Variants in C4orf51 observed in about 807,000 individuals in gnomAD.
C4orf51 encodes the protein uncharacterized protein C4orf51.
C4orf51 carries 25 observed loss-of-function variants against 25.2 expected under a neutral mutation model. The observed-to-expected ratio is 0.99, with a 90% CI of 0.72 to 1.39. The LOEUF is 1.39. Among genes scored for constraint, C4orf51 ranks in the 40% most tolerant of loss-of-function variants. The probability of loss-of-function intolerance (pLI) is 0.00; values close to 1 mark genes in which losing one functional copy is unlikely to be tolerated. For synonymous variants in C4orf51, 100 were observed against 84.5 expected, an observed-to-expected ratio of 1.18 and a Z score of -1.01; for missense variants, 252 against 239.6, an observed-to-expected ratio of 1.05 and a Z score of -0.34.
At chr4:145,766,957 A>C (rs1310715173) in intron 1 of C4orf51, among the ~76,000 whole-genome samples, 2 of 152,206 alleles carry the variant, frequency 1.3e-5, no homozygotes, top group Admixed American at 1.3e-4. Context: ...AGCTATCTGC[A>C]TCCTAAAACA....
chr4:145,729,714 CAGG>C (rs1390584772), intron 4 of C4orf51, among the ~76,000 whole-genome samples, 175 bp from the exon 5 acceptor site: 4 of 152,158 alleles, frequency 2.6e-5, no homozygotes, highest in African/African-American at 9.7e-5. Flanking sequence ...GCAGAAATAA[CAGG>C]AGGGAGAAAT....
At chr4:145,745,339 G>GTTTTT (rs1733313827) in intron 1 of C4orf51, among the ~76,000 whole-genome samples, 1 of 45,670 alleles carries the variant, frequency 2.2e-5, no homozygotes. Flanking sequence ...TTTTTTTTTG[G>GTTTTT]TACCCATTAG....
chr4:145,731,263 A>T (rs976029199), intron 5 of C4orf51, among the ~76,000 whole-genome samples: 1 of 152,182 alleles, frequency 6.6e-6, no homozygotes, highest in Non-Finnish European at 1.5e-5. Context: ...TTCCATTGCC[A>T]GTCAGTGTCT....
chr4:145,721,604 G>C (rs1357908092), intron 2 of C4orf51, among the ~76,000 whole-genome samples: 2 of 152,186 alleles, frequency 1.3e-5, no homozygotes, highest in African/African-American at 4.8e-5. Flanking sequence ...AAATGTGTTT[G>C]CCGGAAGATA....
chr4:145,782,292 G>A, the C4orf51 span, among the ~76,000 whole-genome samples: 4 of 152,152 alleles, frequency 2.6e-5, no homozygotes, highest in South Asian at 4.2e-4. Flanking sequence ...AGAGGCAGTC[G>A]GGGGAGGAGT....
chr4:145,753,765 G>C (rs1446722195), intron 1 of C4orf51, among the ~76,000 whole-genome samples: 1 of 152,062 alleles, frequency 6.6e-6, no homozygotes, highest in Non-Finnish European at 1.5e-5. Context: ...CCCTGTTTTG[G>C]CTCTCATATG....
At chr4:145,734,279 C>CG (rs1405519986), downstream of C4orf51, among the ~76,000 whole-genome samples, 1 of 152,154 alleles carries the variant, frequency 6.6e-6, no homozygotes, top group East Asian at 1.9e-4. Flanking sequence ...TTCATAGACT[C>CG]TGAGTGTTGT....
At position 145,694,213 on chromosome 4, in the gene C4orf51, G is replaced by T. The variant is rs1242439409; in HGVS notation, c.234-2346G>T. 2.2e-4 allele frequency among the ~76,000 whole-genome samples: 32 copies of T among 144,620 alleles called. 1 individual carries two copies. The highest frequency in any genetic ancestry group is 7.8e-4 in the African/African-American group (30 of 38,620). 94.9% of individuals were successfully genotyped at this position (144,620 alleles called of 152,430 possible). On this transcript the variant is annotated intron_variant, in intron 1 of 5. Coordinates refer to ENST00000438731, the MANE Select transcript of C4orf51 (RefSeq NM_001080531.3). ...TCCTCACTTCCTAGATGTGATGGCG[G>T]CTGGGAAGAGGCGCTCCTCACTTCC... is the stretch of plus-strand genomic sequence containing the variant.
At chr4:145,751,951 C>A (rs1478085477) in intron 1 of C4orf51, among the ~76,000 whole-genome samples, 1 of 152,188 alleles carries the variant, frequency 6.6e-6, no homozygotes, top group Non-Finnish European at 1.5e-5. Flanking sequence ...ATGGTGGGTA[C>A]CGCCAGGTGA....
intron 1 of C4orf51, among the ~76,000 whole-genome samples, chr4:145,751,621 T>G (rs1334963456): frequency 3.9e-5 from 6 of 152,206 alleles, no homozygotes; most frequent in African/African-American, 1.4e-4. Context: ...AAAGGCCTAC[T>G]GTAACTACTG....
downstream of C4orf51, among the ~76,000 whole-genome samples, chr4:145,772,350 A>T (rs1182140363): frequency 6.6e-6 from 1 of 152,222 alleles, no homozygotes; most frequent in Non-Finnish European, 1.5e-5. Context: ...TTATACCCTA[A>T]CTTTGCAATA....
intron 2 of C4orf51, among the ~76,000 whole-genome samples, chr4:145,697,467 A>G (rs1198703872): frequency 1.3e-5 from 2 of 152,196 alleles, no homozygotes; most frequent in Non-Finnish European, 1.5e-5. Flanking sequence ...GTCTCCATAC[A>G]TATTCATCTT....
At chr4:145,699,058 T>C (rs12509414) in intron 2 of C4orf51, among the ~76,000 whole-genome samples, 85,186 of 149,518 alleles carry the variant, frequency 0.57, 24,572 homozygotes, top group Admixed American at 0.66. Flanking sequence ...AGCACCCCCA[T>C]TGAGCACCTT....
At chr4:145,697,127 TCTCA>T (rs1418882023) in intron 2 of C4orf51, among the ~76,000 whole-genome samples, 1 of 145,640 alleles carries the variant, frequency 6.9e-6, no homozygotes, top group Non-Finnish European at 1.5e-5. Flanking sequence ...TGAGAAAGGG[TCTCA>T]CTCTGTCACC....
chr4:145,729,138 TG>T lies in C4orf51; in HGVS notation c.367-29del, dbSNP rs149542371. On this transcript the variant is annotated intron_variant, in intron 3 of 5. Transcript: ENST00000438731. ...AGATTTCTATTATTATGAAAGTGGT[TG>T]GTATTTATTTCTATCTCTCCTTTTT... 0.015 allele frequency: 20,774 copies of T among 1,392,190 alleles called. 1,609 individuals are homozygous for T. In the African/African-American group the frequency reaches 0.21, roughly 14 times the overall value. The allele number at this position is 1,392,190 out of a possible 1,614,324, so 86.2% of individuals were successfully genotyped here.
chr4:145,682,052 G>GA (rs1041739767), intron 1 of C4orf51, among the ~76,000 whole-genome samples: 2 of 152,028 alleles, frequency 1.3e-5, no homozygotes, highest in African/African-American at 2.4e-5. Flanking sequence ...TAATAACTCT[G>GA]AAAAAAATGC....
At chr4:145,789,524 A>G in the C4orf51 span, among the ~76,000 whole-genome samples, 12 of 152,232 alleles carry the variant, frequency 7.9e-5, no homozygotes, top group Non-Finnish European at 1.8e-4. Context: ...ACTATGTATT[A>G]GACACTATTA....
chr4:145,704,533 A>G (rs529091317), intron 2 of C4orf51, among the ~76,000 whole-genome samples: 5 of 152,288 alleles, frequency 3.3e-5, no homozygotes, highest in East Asian at 1.9e-4. Flanking sequence ...AGCTAACTGT[A>G]TATGCGTGGG....
intron 2 of C4orf51, among the ~76,000 whole-genome samples, chr4:145,720,049 G>C (rs1731646229): frequency 6.6e-6 from 1 of 152,120 alleles, no homozygotes; most frequent in Non-Finnish European, 1.5e-5. Context: ...TCTGTGGTTG[G>C]ATCATTTCCA....
Sources: gnomAD v4.1 joint callset for allele counts (sites outside exome capture counted in the v4.1 genomes callset) on GRCh38, gnomAD v4.1.1 for gene constraint, MANE v1.5 for transcripts, NCBI Gene and HGNC (gene_info 2026-07-23, HGNC 2026-07-21) for gene names.